FOXP1: variants seen among roughly 807,000 people sequenced by gnomAD.
The protein encoded by FOXP1 is forkhead box P1.
In FOXP1, 15 loss-of-function variants were observed where a neutral mutation model predicts 98.2. The ratio of observed to expected loss-of-function variants is 0.15; its 90% CI spans 0.10 to 0.24. The LOEUF is 0.24. Among genes scored for constraint, FOXP1 ranks in the 10% least tolerant of loss-of-function variants. FOXP1 has a pLI of 1.00. For missense variants in FOXP1, 633 were observed against 848.5 expected (o/e 0.75, Z 3.15); for synonymous variants, 371 against 314.5 (o/e 1.18, Z -1.90).
Position 71,129,559 on chromosome 3 carries a change from C to T in FOXP1, c.181-16922G>A, listed in dbSNP as rs375561932. ...GATCAAAAGAGCTTATTTTCCATTT[C>T]CTGTCTATTCCCTGACCACCATATA... On this transcript the variant is annotated intron_variant, in intron 6 of 20. Coordinates refer to ENST00000649528, the MANE Select transcript of FOXP1 (RefSeq NM_001349338.3). Among the ~76,000 whole-genome samples the T allele has an allele frequency of 2.0e-5, 3 of 152,190 alleles. No homozygotes were observed. The East Asian group carries it at 5.8e-4, about 29-fold the overall frequency.
chr3:71,487,151 G>C (rs892530905), intron 3 of FOXP1, among the ~76,000 whole-genome samples: 2 of 150,920 alleles, frequency 1.3e-5, no homozygotes, highest in African/African-American at 4.9e-5. Context: ...CCAAAGTTAC[G>C]CAAATTGAAA....
intron 5 of FOXP1, among the ~76,000 whole-genome samples, chr3:71,234,408 G>C (rs1488149513): frequency 6.6e-6 from 1 of 152,162 alleles, no homozygotes; most frequent in Admixed American, 6.5e-5. Flanking sequence ...TCCAAAACAT[G>C]TCCTCTGCCT....
chr3:71,196,983 C>A (rs1259204284), intron 6 of FOXP1, among the ~76,000 whole-genome samples: 1 of 152,208 alleles, frequency 6.6e-6, no homozygotes, highest in Non-Finnish European at 1.5e-5. Flanking sequence ...TCCACAGGCT[C>A]ATGTTGGTTC....
intron 11 of FOXP1, among the ~76,000 whole-genome samples, chr3:71,027,495 A>G (rs770633060): frequency 2.6e-5 from 4 of 152,200 alleles, no homozygotes; most frequent in Non-Finnish European, 5.9e-5. Flanking sequence ...ATGTAATTAC[A>G]TTTATTTCTC....
rs142297178 is a variant in FOXP1 at position 71,404,895 on chromosome 3, T to A, written c.-167-45651A>T. 6.6e-5 allele frequency among the ~76,000 whole-genome samples: 10 copies of A among 152,260 alleles called. No individual in the cohort carries two copies. In the East Asian group the frequency reaches 1.9e-3, roughly 29 times the overall value. The stretch of plus-strand genomic sequence containing the variant: ...GCAAGCAGCCTATAACTATTAAGAA[T>A]CCTCATTCCCATGGCTTTCAACCTC... On this transcript the variant is annotated intron_variant, in intron 3 of 20. Coordinates refer to ENST00000649528, the MANE Select transcript of FOXP1 (RefSeq NM_001349338.3).
At chr3:71,293,897 T>C (rs2073021108) in intron 5 of FOXP1, among the ~76,000 whole-genome samples, 1 of 152,228 alleles carries the variant, frequency 6.6e-6, no homozygotes, top group Non-Finnish European at 1.5e-5. Flanking sequence ...CTTGTAAGAA[T>C]ATTTCAAGCA....
At chr3:71,304,082 G>A (rs1344275186) in intron 4 of FOXP1, among the ~76,000 whole-genome samples, 1 of 151,896 alleles carries the variant, frequency 6.6e-6, no homozygotes, top group African/African-American at 2.4e-5. Flanking sequence ...TCATCCTCTG[G>A]GGCCCTCATC....
At chr3:71,337,742 A>G (rs954349754) in intron 4 of FOXP1, among the ~76,000 whole-genome samples, 1 of 152,198 alleles carries the variant, frequency 6.6e-6, no homozygotes, top group Non-Finnish European at 1.5e-5. Flanking sequence ...CATCTCAAGG[A>G]TAATGTAGCT....
chr3:71,411,657 T>C (rs998802435), intron 3 of FOXP1, among the ~76,000 whole-genome samples: 1 of 152,222 alleles, frequency 6.6e-6, no homozygotes, highest in Non-Finnish European at 1.5e-5. Context: ...GATCACCTGA[T>C]GCTGGCAGGT....
intron 7 of FOXP1, among the ~76,000 whole-genome samples, chr3:71,063,994 A>G (rs763476432): frequency 1.3e-5 from 2 of 152,208 alleles, no homozygotes; most frequent in Non-Finnish European, 2.9e-5. Context: ...CAGTTCTGAC[A>G]GTTGAGTTAG....
intron 3 of FOXP1, among the ~76,000 whole-genome samples, chr3:71,444,397 T>C (rs2108469924): frequency 6.7e-6 from 1 of 149,410 alleles, no homozygotes; most frequent in East Asian, 2.0e-4. Flanking sequence ...GGAGAAATGA[T>C]CAAACCCGGG....
intron 7 of FOXP1, among the ~76,000 whole-genome samples, chr3:71,060,648 A>G (rs1432112395): frequency 1.3e-5 from 2 of 152,168 alleles, no homozygotes; most frequent in African/African-American, 2.4e-5. Context: ...CCCCTGTGTC[A>G]TCTTGTTTTG....
intron 6 of FOXP1, among the ~76,000 whole-genome samples, chr3:71,137,097 AG>A (rs922818515): frequency 6.6e-6 from 1 of 152,152 alleles, no homozygotes; most frequent in African/African-American, 2.4e-5. Context: ...AGATATGAGG[AG>A]GGGGTTAGTG....
At chr3:71,248,797 T>C (rs994418483) in intron 5 of FOXP1, among the ~76,000 whole-genome samples, 1 of 151,538 alleles carries the variant, frequency 6.6e-6, no homozygotes, top group Non-Finnish European at 1.5e-5. Flanking sequence ...GAAGTTCCTC[T>C]CCAGGCTCCT....
At chr3:71,541,467 T>C (rs984599928) in intron 2 of FOXP1, among the ~76,000 whole-genome samples, 8 of 152,336 alleles carry the variant, frequency 5.3e-5, no homozygotes, top group Middle Eastern at 6.8e-3. Flanking sequence ...TGTCTAGATA[T>C]GCTGGAGATC....
chr3:71,102,185 C>G (rs1311259494), intron 7 of FOXP1, among the ~76,000 whole-genome samples: 2 of 152,132 alleles, frequency 1.3e-5, no homozygotes, highest in Non-Finnish European at 2.9e-5. Context: ...TGACAACCAT[C>G]TGATGTATGA....
At chr3:71,378,917 G>A (rs920868751) in intron 3 of FOXP1, among the ~76,000 whole-genome samples, 2 of 152,006 alleles carry the variant, frequency 1.3e-5, no homozygotes, top group Non-Finnish European at 2.9e-5. Flanking sequence ...GAATAATGGG[G>A]AACTATTTAC....
At chr3:71,047,465 C>A (rs1412014137) in intron 9 of FOXP1, among the ~76,000 whole-genome samples, 1 of 152,184 alleles carries the variant, frequency 6.6e-6, no homozygotes, top group East Asian at 1.9e-4. Flanking sequence ...GAACCCCGAA[C>A]CTTTGAGGTG....
chr3:71,531,981 A>G (rs1318290791), intron 2 of FOXP1, among the ~76,000 whole-genome samples: 1 of 152,190 alleles, frequency 6.6e-6, no homozygotes. Flanking sequence ...TCAATTCTAC[A>G]ATTCCTTTTA....
Sources: allele counts gnomAD v4.1 joint callset (sites outside exome capture counted in the v4.1 genomes callset), GRCh38; gene constraint gnomAD v4.1.1; transcripts MANE v1.5; gene names NCBI Gene and HGNC (gene_info 2026-07-23, HGNC 2026-07-21).